Variants in CFAP299 observed in about 807,000 individuals in gnomAD.
The protein encoded by CFAP299 is cilia and flagella associated protein 299, also known as cilia- and flagella-associated protein 299.
In CFAP299, 21 loss-of-function variants were observed where a neutral mutation model predicts 27.0. The observed-to-expected ratio is 0.78, with a 90% confidence interval of 0.55 to 1.12. The LOEUF (loss-of-function observed/expected upper bound fraction) is 1.12. Ranked by LOEUF, CFAP299 falls within the 50% of genes most tolerant of loss-of-function variation. CFAP299 has a pLI of 0.00. For missense variants in CFAP299, 310 were observed against 276.6 expected, an observed-to-expected ratio of 1.12 and a Z score of -0.86; for synonymous variants, 104 against 98.1, an observed-to-expected ratio of 1.06 and a Z score of -0.36.
rs559112615 is a variant in CFAP299, at chr4:80,716,228, G to A, written c.333+133045G>A. On this transcript the variant is annotated intron_variant, in intron 3 of 5. Transcript: ENST00000358105. ...TATATTATTGCAATATGACTTCCAT[G>A]TGGATATCTTGCTTGCTCTTCCCAT... is the stretch of plus-strand genomic sequence containing the variant. 6.2e-4 allele frequency among the ~76,000 whole-genome samples: 94 copies of A among 152,056 alleles called. 1 individual carries two copies. The highest frequency in any genetic ancestry group is 2.3e-3 in the African/African-American group (94 of 41,512).
intron 3 of CFAP299, among the ~76,000 whole-genome samples, chr4:80,706,340 T>C (rs1292463003): frequency 6.6e-6 from 1 of 151,466 alleles, no homozygotes; most frequent in Non-Finnish European, 1.5e-5. Flanking sequence ...AAGTATTAAA[T>C]GAAAAAAAAA....
chr4:80,618,882 T>C (rs1243798513), intron 3 of CFAP299, among the ~76,000 whole-genome samples: 1 of 152,070 alleles, frequency 6.6e-6, no homozygotes, highest in Non-Finnish European at 1.5e-5. Context: ...AAAGAAATGC[T>C]TTCCAATAAT....
At chr4:80,644,241 A>G (rs1739870302) in intron 3 of CFAP299, among the ~76,000 whole-genome samples, 1 of 152,162 alleles carries the variant, frequency 6.6e-6, no homozygotes, top group Non-Finnish European at 1.5e-5. Flanking sequence ...TCATGTTATT[A>G]CTATGAAAAA....
In CFAP299 at chr4:80,864,598, A is replaced by G. The variant is rs975456538; in HGVS notation, c.334-5395A>G. On this transcript the variant is annotated intron_variant, in intron 3 of 5. Transcript: ENST00000358105. The stretch of plus-strand genomic sequence containing the variant: ...TGTTTCAATTTTAGCTTCAAATTAT[A>G]TAAAAAGTTTTAACTGTGAATAACT... Among the ~76,000 whole-genome samples the G allele has an allele frequency of 3.3e-5, 5 of 150,392 alleles. No individual in the cohort carries two copies. In the South Asian group the frequency reaches 6.2e-4, roughly 19 times the overall value.
At chr4:80,785,660 G>T (rs1727202352) in intron 3 of CFAP299, among the ~76,000 whole-genome samples, 1 of 152,124 alleles carries the variant, frequency 6.6e-6, no homozygotes. Context: ...AAATTGCAAT[G>T]TGTTTTAGTT....
intron 1 of CFAP299, among the ~76,000 whole-genome samples, chr4:80,339,147 G>T (rs1385157529): frequency 6.6e-6 from 1 of 152,148 alleles, no homozygotes; most frequent in Non-Finnish European, 1.5e-5. Flanking sequence ...ATTAGCTATA[G>T]CACTCTCTCC....
At chr4:80,891,830 G>GAAAAAAAAAAA (rs35425830) in intron 4 of CFAP299, among the ~76,000 whole-genome samples, 2 of 53,994 alleles carry the variant, frequency 3.7e-5, no homozygotes, top group African/African-American at 6.5e-5. Flanking sequence ...TAGATTAAAG[G>GAAAAAAAAAAA]AAAAAAAAAA....
chr4:80,376,403 T>C (rs564634591), intron 2 of CFAP299, among the ~76,000 whole-genome samples: 4 of 152,228 alleles, frequency 2.6e-5, no homozygotes, highest in Non-Finnish European at 4.4e-5. Flanking sequence ...TAAGGAAATA[T>C]GTTTTCATAT....
intron 3 of CFAP299, among the ~76,000 whole-genome samples, chr4:80,714,175 T>C (rs1722341578): frequency 6.6e-6 from 1 of 152,110 alleles, no homozygotes; most frequent in Non-Finnish European, 1.5e-5. Context: ...CTAGTGACTT[T>C]ATAGATCCTC....
intron 4 of CFAP299, among the ~76,000 whole-genome samples, chr4:80,941,406 G>A (rs1489488232): frequency 6.6e-6 from 1 of 152,052 alleles, no homozygotes; most frequent in Non-Finnish European, 1.5e-5. Context: ...GTTTGATTTT[G>A]TAGAAACCGT....
intron 3 of CFAP299, among the ~76,000 whole-genome samples, chr4:80,687,847 G>C (rs957830606): frequency 6.6e-6 from 1 of 152,220 alleles, no homozygotes; most frequent in African/African-American, 2.4e-5. Flanking sequence ...TGCGCAAGCC[G>C]AAGCAGGGCG....
At chr4:80,694,617 T>G (rs1480397588) in intron 3 of CFAP299, among the ~76,000 whole-genome samples, 2 of 152,220 alleles carry the variant, frequency 1.3e-5, no homozygotes, top group African/African-American at 4.8e-5. Flanking sequence ...AAAATGGTAT[T>G]TAATTGATAT....
At chr4:80,664,781 A>G (rs1158533812) in intron 3 of CFAP299, among the ~76,000 whole-genome samples, 2 of 152,038 alleles carry the variant, frequency 1.3e-5, no homozygotes, top group Non-Finnish European at 2.9e-5. Context: ...GGGTATGAAA[A>G]AAAACTCCTG....
At chr4:80,811,884 A>AGT (rs1729171957) in intron 3 of CFAP299, among the ~76,000 whole-genome samples, 1 of 152,080 alleles carries the variant, frequency 6.6e-6, no homozygotes, top group Non-Finnish European at 1.5e-5. Flanking sequence ...GAACTAAACA[A>AGT]GTCTGGAATA....
chr4:80,600,633 A>G (rs1470468537), intron 3 of CFAP299, among the ~76,000 whole-genome samples: 1 of 152,130 alleles, frequency 6.6e-6, no homozygotes, highest in Non-Finnish European at 1.5e-5. Context: ...TATCATGACA[A>G]TTATTGCATA....
intron 4 of CFAP299, among the ~76,000 whole-genome samples, chr4:80,936,707 A>T (rs1322941780): frequency 6.6e-6 from 1 of 152,158 alleles, no homozygotes; most frequent in African/African-American, 2.4e-5. Context: ...TACATGCCTG[A>T]CTAAATCATT....
chr4:80,464,320 T>G (rs1446963339), intron 2 of CFAP299, among the ~76,000 whole-genome samples: 1 of 152,224 alleles, frequency 6.6e-6, no homozygotes, highest in African/African-American at 2.4e-5. Context: ...TGCTATATTT[T>G]CTATGGATTT....
At chr4:80,589,295 G>A (rs114000897) in intron 3 of CFAP299, among the ~76,000 whole-genome samples, 1 of 152,110 alleles carries the variant, frequency 6.6e-6, no homozygotes, top group Non-Finnish European at 1.5e-5. Flanking sequence ...TCTGGGTCCA[G>A]ATTCTGGGCT....
intron 2 of CFAP299, among the ~76,000 whole-genome samples, chr4:80,442,678 TAAC>T (rs1412562243): frequency 6.6e-6 from 1 of 151,592 alleles, no homozygotes; most frequent in Non-Finnish European, 1.5e-5. Flanking sequence ...AGACAAGAAA[TAAC>T]TAAGATCAGA....
Sources: gnomAD v4.1 joint callset for allele counts (sites outside exome capture counted in the v4.1 genomes callset) on GRCh38, gnomAD v4.1.1 for gene constraint, MANE v1.5 for transcripts, NCBI Gene and HGNC (gene_info 2026-07-23, HGNC 2026-07-21) for gene names.